Variants in MDGA2 observed in about 807,000 individuals in gnomAD.
The protein encoded by MDGA2 is MAM domain containing glycosylphosphatidylinositol anchor 2, also known as MAM domain-containing glycosylphosphatidylinositol anchor protein 2.
MDGA2 carries 40 observed loss-of-function variants against 117.8 expected under a neutral mutation model. The ratio of observed to expected loss-of-function variants is 0.34; its 90% confidence interval spans 0.26 to 0.44. MDGA2 has a LOEUF of 0.44. Among genes scored for constraint, MDGA2 ranks in the 20% least tolerant of loss-of-function variants. The pLI is 1.00. For synonymous variants in MDGA2, 452 were observed against 439.0 expected (o/e 1.03, Z -0.37); for missense variants, 1,123 against 1,250.6 (o/e 0.90, Z 1.54).
chr14:46,939,698 T>A (rs1328930498), intron 9 of MDGA2, among the ~76,000 whole-genome samples: 1 of 152,222 alleles, frequency 6.6e-6, no homozygotes, highest in Non-Finnish European at 1.5e-5. Context: ...TACATATGTT[T>A]TTTAATATTC....
At chr14:47,101,909 A>T (rs994661866) in intron 5 of MDGA2, among the ~76,000 whole-genome samples, 1 of 152,236 alleles carries the variant, frequency 6.6e-6, no homozygotes, top group East Asian at 1.9e-4. Flanking sequence ...ACTAAAAATT[A>T]TAGTGATTCA....
intron 2 of MDGA2, among the ~76,000 whole-genome samples, chr14:47,275,985 A>G (rs941981153): frequency 2.0e-5 from 3 of 152,124 alleles, no homozygotes; most frequent in Non-Finnish European, 4.4e-5. Context: ...TTGACTAGAC[A>G]GTCTTTTCAA....
At chr14:46,885,181 T>C (rs1328220159) in intron 10 of MDGA2, among the ~76,000 whole-genome samples, 1 of 151,964 alleles carries the variant, frequency 6.6e-6, no homozygotes, top group African/African-American at 2.4e-5. Flanking sequence ...TAGGGAAGGA[T>C]GAATCATGAA....
chr14:46,885,139 G>T (rs978797338), intron 10 of MDGA2, among the ~76,000 whole-genome samples: 1 of 152,002 alleles, frequency 6.6e-6, no homozygotes, highest in African/African-American at 2.4e-5. Flanking sequence ...AAGTCACCGT[G>T]CCTGGCCAAT....
At chr14:47,553,985 T>C (rs1214225987) in intron 1 of MDGA2, among the ~76,000 whole-genome samples, 1 of 152,244 alleles carries the variant, frequency 6.6e-6, no homozygotes, top group Non-Finnish European at 1.5e-5. Flanking sequence ...TTTGTTGTTT[T>C]AATCCTTCCT....
At chr14:47,150,290 T>C (rs967127141) in intron 3 of MDGA2, among the ~76,000 whole-genome samples, 3 of 152,190 alleles carry the variant, frequency 2.0e-5, no homozygotes, top group Non-Finnish European at 2.9e-5. Flanking sequence ...TGCAGGCCTC[T>C]TGAAATTCTG....
chr14:46,954,218 C>T lies in MDGA2; in HGVS notation c.2089+3156G>A, dbSNP rs138465583. On this transcript the variant is annotated intron_variant, in intron 9 of 16. Transcript: ENST00000399232. ...AAAGCAACCCCTTCTCACAACTTTG[C>T]TGAGTTGTAAGACACGTGCACCCAT... is the stretch of plus-strand genomic sequence containing the variant. Among the ~76,000 whole-genome samples the T allele has an allele frequency of 3.8e-3, 574 of 152,034 alleles. 5 individuals carry two copies. Among genetic ancestry groups the T allele is most frequent in the African/African-American group, 0.013 (548 of 41,502 alleles).
At chr14:47,450,738 C>T (rs1893225157) in intron 1 of MDGA2, among the ~76,000 whole-genome samples, 1 of 151,866 alleles carries the variant, frequency 6.6e-6, no homozygotes, top group Non-Finnish European at 1.5e-5. Context: ...ATAAGGACTC[C>T]TTATTTTCAA....
At chr14:47,147,836 T>C (rs553425170) in intron 3 of MDGA2, among the ~76,000 whole-genome samples, 1 of 152,266 alleles carries the variant, frequency 6.6e-6, no homozygotes, top group South Asian at 2.1e-4. Flanking sequence ...CCTTCTACTA[T>C]TGCCATTCTA....
chr14:47,210,677 C>G (rs543228388), intron 3 of MDGA2, among the ~76,000 whole-genome samples: 1 of 152,224 alleles, frequency 6.6e-6, no homozygotes, highest in South Asian at 2.1e-4. Context: ...GAAACAGTAT[C>G]GGTATTAGAA....
chr14:47,255,588 C>T (rs1418842840), intron 2 of MDGA2, among the ~76,000 whole-genome samples: 1 of 152,100 alleles, frequency 6.6e-6, no homozygotes, highest in African/African-American at 2.4e-5. Context: ...CTTTTTAATC[C>T]TCATTTTCTT....
At chr14:47,399,818 A>G (rs918001904) in intron 1 of MDGA2, among the ~76,000 whole-genome samples, 3 of 152,180 alleles carry the variant, frequency 2.0e-5, no homozygotes, top group Non-Finnish European at 4.4e-5. Context: ...GGATATAAAA[A>G]TAACAAGCTC....
In MDGA2 at chr14:46,918,246, G is replaced by C. The variant is rs541584044; in HGVS notation, c.2238+1766C>G. Among the ~76,000 whole-genome samples the C allele has an allele frequency of 4.6e-5, 7 of 152,080 alleles. No individual in the cohort carries two copies. In the East Asian group the frequency reaches 9.7e-4, roughly 21 times the overall value. ...AATTGATTTTACAAATGAAAATTTA[G>C]TCATAGATTCTTACATTTTTACAAA... On this transcript the variant is annotated intron_variant, in intron 10 of 16. Transcript: ENST00000399232.
At chr14:47,513,187 C>A (rs1253642864) in intron 1 of MDGA2, among the ~76,000 whole-genome samples, 2 of 152,044 alleles carry the variant, frequency 1.3e-5, no homozygotes, top group African/African-American at 2.4e-5. Flanking sequence ...AAAGCATCAC[C>A]TTAATAAAAT....
At chr14:47,659,470 G>A (rs375418628) in intron 1 of MDGA2, among the ~76,000 whole-genome samples, 24 of 152,258 alleles carry the variant, frequency 1.6e-4, no homozygotes, top group South Asian at 1.0e-3. Flanking sequence ...ATTAGCTTTC[G>A]TCACAGCCAA....
At chr14:47,143,603 C>T (rs1387988348) in intron 4 of MDGA2, among the ~76,000 whole-genome samples, 1 of 151,930 alleles carries the variant, frequency 6.6e-6, no homozygotes, top group African/African-American at 2.4e-5. Flanking sequence ...TATTTCTAAA[C>T]CAAGTCAAAA....
At chr14:47,384,737 A>C (rs1233050552) in intron 1 of MDGA2, among the ~76,000 whole-genome samples, 4 of 152,130 alleles carry the variant, frequency 2.6e-5, no homozygotes, top group Admixed American at 6.6e-5. Flanking sequence ...ATACCCACTT[A>C]AGAGACTCTC....
intron 2 of MDGA2, among the ~76,000 whole-genome samples, chr14:47,277,278 A>G (rs1888338936): frequency 6.6e-6 from 1 of 152,208 alleles, no homozygotes; most frequent in African/African-American, 2.4e-5. Flanking sequence ...CTGACCTAAG[A>G]CTTGCTTATA....
intron 8 of MDGA2, chr14:46,960,674 C>A (rs974893734): frequency 6.6e-6 from 1 of 151,184 alleles, no homozygotes; most frequent in Non-Finnish European, 1.5e-5. Flanking sequence ...TATACACACA[C>A]ATATACATAC....
Sources: gnomAD v4.1 joint callset for allele counts (sites outside exome capture counted in the v4.1 genomes callset) on GRCh38, gnomAD v4.1.1 for gene constraint, MANE v1.5 for transcripts, NCBI Gene and HGNC (gene_info 2026-07-23, HGNC 2026-07-21) for gene names.